Variants in SLC14A2 observed in about 807,000 individuals in gnomAD.
SLC14A2 encodes solute carrier family 14 member 2.
A neutral mutation model predicts 104.6 loss-of-function variants in SLC14A2; 91 were observed. The ratio of observed to expected loss-of-function variants is 0.87; its 90% CI spans 0.73 to 1.04. SLC14A2 has a LOEUF of 1.04. SLC14A2 is among the 50% of genes least tolerant of loss of function. SLC14A2 has a pLI of 0.00. For missense variants in SLC14A2, 1,189 were observed against 1,156.0 expected, an observed-to-expected ratio of 1.03 and a Z score of -0.41; for synonymous variants, 476 against 466.4, an observed-to-expected ratio of 1.02 and a Z score of -0.27.
Position 45,531,014 on chromosome 18 carries a change from A to G in SLC14A2, c.-35+47692A>G, listed in dbSNP as rs1303905738. ...GGTTTCTAGCTTCATCCATGTCCCT[A>G]CAAAGGACATGAACTCATCATTTTT... is the stretch of plus-strand genomic sequence containing the variant. On this transcript the variant is annotated intron_variant, in intron 2 of 20. Coordinates refer to the SLC14A2 transcript ENST00000586448. Among the ~76,000 whole-genome samples the G allele has an allele frequency of 2.6e-5, 4 of 152,228 alleles. No homozygotes were observed. The South Asian group carries it at 6.2e-4, about 24-fold the overall frequency.
intron 1 of SLC14A2, among the ~76,000 whole-genome samples, chr18:45,220,458 G>A (rs1385607426): frequency 1.3e-5 from 2 of 152,202 alleles, no homozygotes; most frequent in East Asian, 3.9e-4. Context: ...AACAAAAAAT[G>A]TTGGGCAGCC....
the SLC14A2 span, among the ~76,000 whole-genome samples, chr18:45,177,373 T>G: frequency 6.6e-6 from 1 of 152,202 alleles, no homozygotes; most frequent in African/African-American, 2.4e-5. Flanking sequence ...TAGCGGCATT[T>G]CATTGGTTTT....
intron 1 of SLC14A2, among the ~76,000 whole-genome samples, chr18:45,620,610 GC>G (rs1179504705): frequency 6.6e-6 from 1 of 151,986 alleles, no homozygotes; most frequent in African/African-American, 2.4e-5. Context: ...CAAGGTAATG[GC>G]CCCTGTTCTT....
chr18:45,280,045 G>C (rs577508513), intron 1 of SLC14A2, among the ~76,000 whole-genome samples: 15 of 152,236 alleles, frequency 9.9e-5, no homozygotes, highest in African/African-American at 3.6e-4. Flanking sequence ...AATGTCCCCT[G>C]GTGGGAAAGT....
intron 2 of SLC14A2, among the ~76,000 whole-genome samples, chr18:45,531,620 G>T (rs1397161672): frequency 6.6e-6 from 1 of 152,116 alleles, no homozygotes. Context: ...AGATGAGTAG[G>T]TTGCAAACAT....
chr18:45,209,415 A>G (rs1599574447), upstream of SLC14A2, among the ~76,000 whole-genome samples: 6 of 152,274 alleles, frequency 3.9e-5, 1 homozygote, highest in Admixed American at 3.9e-4. Flanking sequence ...AGGTAAAATC[A>G]GGTTTTAAAA....
At chr18:45,661,162 C>T (rs2045930270) in intron 10 of SLC14A2, among the ~76,000 whole-genome samples, 1 of 152,230 alleles carries the variant, frequency 6.6e-6, no homozygotes, top group Admixed American at 6.5e-5. Flanking sequence ...GCCATGTCAG[C>T]TCTGCCAGGG....
chr18:45,317,948 T>C (rs1185590678), intron 1 of SLC14A2, among the ~76,000 whole-genome samples: 1 of 152,094 alleles, frequency 6.6e-6, no homozygotes, highest in East Asian at 1.9e-4. Context: ...CCTCAAGAGC[T>C]TTGGAGCCCC....
At chr18:45,238,562 T>C (rs11082435) in intron 1 of SLC14A2, among the ~76,000 whole-genome samples, 48,941 of 151,994 alleles carry the variant, frequency 0.32, 8,521 homozygotes, top group African/African-American at 0.47. Context: ...ATGTAACATT[T>C]AATGGGGAAA....
At chr18:45,515,926 C>A (rs2043434277) in intron 2 of SLC14A2, among the ~76,000 whole-genome samples, 2 of 152,222 alleles carry the variant, frequency 1.3e-5, no homozygotes, top group South Asian at 4.1e-4. Context: ...GCTTCAAATA[C>A]CCAAGCCATT....
intron 2 of SLC14A2, among the ~76,000 whole-genome samples, chr18:45,520,392 G>A (rs1367862973): frequency 6.6e-6 from 1 of 152,126 alleles, no homozygotes; most frequent in Non-Finnish European, 1.5e-5. Flanking sequence ...TGCAGGCTGC[G>A]AGTCCATGGG....
At chr18:45,320,511 G>A (rs987930146) in intron 1 of SLC14A2, among the ~76,000 whole-genome samples, 3 of 152,168 alleles carry the variant, frequency 2.0e-5, no homozygotes, top group Admixed American at 6.5e-5. Flanking sequence ...TGGCAAGAAC[G>A]TCTTCTTGCT....
intron 1 of SLC14A2, among the ~76,000 whole-genome samples, chr18:45,279,325 C>T (rs948947870): frequency 1.3e-4 from 20 of 152,316 alleles, no homozygotes; most frequent in African/African-American, 3.8e-4. Flanking sequence ...GATGAATTTA[C>T]GGGCAAAGGT....
intron 2 of SLC14A2, among the ~76,000 whole-genome samples, chr18:45,502,458 C>A (rs1025239466): frequency 6.6e-6 from 1 of 152,150 alleles, no homozygotes; most frequent in Admixed American, 6.5e-5. Context: ...ACCTGGAAGA[C>A]CATAAAATGC....
intron 1 of SLC14A2, among the ~76,000 whole-genome samples, chr18:45,376,918 C>A (rs1160483009): frequency 6.6e-6 from 1 of 152,166 alleles, no homozygotes; most frequent in Non-Finnish European, 1.5e-5. Flanking sequence ...CCCATTTCTT[C>A]CTAAAAATAG....
At chr18:45,598,674 TG>T (rs2044747110) in intron 2 of SLC14A2, among the ~76,000 whole-genome samples, 1 of 152,196 alleles carries the variant, frequency 6.6e-6, no homozygotes, top group South Asian at 2.1e-4. Flanking sequence ...GTTGGCTTTC[TG>T]TCTAGGAAGG....
chr18:45,314,957 G>A (rs2085114390), intron 1 of SLC14A2, among the ~76,000 whole-genome samples: 1 of 152,200 alleles, frequency 6.6e-6, no homozygotes, highest in Admixed American at 6.5e-5. Context: ...ATGTTAGCAT[G>A]TGGTAGCTGA....
intron 2 of SLC14A2, among the ~76,000 whole-genome samples, chr18:45,559,986 TG>T (rs2044180993): frequency 6.6e-6 from 1 of 152,216 alleles, no homozygotes; most frequent in Admixed American, 6.5e-5. Context: ...AGAGGCTTCC[TG>T]GGTGTGGCCC....
chr18:45,172,882 A>C, the SLC14A2 span, among the ~76,000 whole-genome samples: 1 of 152,166 alleles, frequency 6.6e-6, no homozygotes, highest in Non-Finnish European at 1.5e-5. Context: ...CTGTTAAATA[A>C]ACACTAAATT....
Sources: gnomAD v4.1 joint callset for allele counts (sites outside exome capture counted in the v4.1 genomes callset) on GRCh38, gnomAD v4.1.1 for gene constraint, MANE v1.5 for transcripts, NCBI Gene and HGNC (gene_info 2026-07-23, HGNC 2026-07-21) for gene names.